The following ST3GAL5 variants were observed in gnomAD, a reference collection of about 807,000 sequenced individuals.
ST3GAL5 encodes the protein ST3 beta-galactoside alpha-2,3-sialyltransferase 5.
A neutral mutation model predicts 46.1 loss-of-function variants in ST3GAL5; 25 were observed. The ratio of observed to expected loss-of-function variants is 0.54; its 90% CI spans 0.40 to 0.76. ST3GAL5 has a LOEUF of 0.76. Ranked by LOEUF, ST3GAL5 falls within the 30% of genes least tolerant of loss-of-function variation. The pLI is 0.00. For synonymous variants in ST3GAL5, 182 were observed against 192.7 expected, an observed-to-expected ratio of 0.94 and a Z score of 0.46; for missense variants, 431 against 521.2, an observed-to-expected ratio of 0.83 and a Z score of 1.69.
At chr2:85,841,827 C>T (rs1430364060) in intron 6 of ST3GAL5, among the ~76,000 whole-genome samples, 1 of 152,198 alleles carries the variant, frequency 6.6e-6, no homozygotes, top group Non-Finnish European at 1.5e-5. Context: ...CTTTCTGGAT[C>T]TCCATGCCAG....
chr2:85,857,536 C>CA (rs369873432), intron 3 of ST3GAL5, among the ~76,000 whole-genome samples: 6,803 of 72,838 alleles, frequency 0.093, 271 homozygotes, highest in East Asian at 0.14. Flanking sequence ...GACTCCGTCT[C>CA]AAAAAAAAAA....
chr2:85,888,077 G>C (rs1470152854), intron 1 of ST3GAL5: 1 of 152,080 alleles, frequency 6.6e-6, no homozygotes, highest in Non-Finnish European at 1.5e-5. Flanking sequence ...GGGCCTGGAA[G>C]GGACCTCGGC....
chr2:85,871,150 C>T (rs1685882112), intron 1 of ST3GAL5, among the ~76,000 whole-genome samples: 2 of 151,840 alleles, frequency 1.3e-5, no homozygotes, highest in South Asian at 2.1e-4. Context: ...AATTTTCCCA[C>T]CTTAGCCCTC....
intron 1 of ST3GAL5, among the ~76,000 whole-genome samples, chr2:85,871,628 CTT>C (rs764502909): frequency 6.6e-6 from 1 of 152,116 alleles, no homozygotes; most frequent in Non-Finnish European, 1.5e-5. Context: ...CCTAAAAAAA[CTT>C]ATATCACTGG....
At chr2:85,853,108 G>A (rs1160013224) in intron 3 of ST3GAL5, 1 of 1,301,102 alleles carries the variant, frequency 7.7e-7, no homozygotes, top group East Asian at 5.6e-5. Flanking sequence ...CTCTCAGAAA[G>A]GAGAGAGGGC....
At chr2:85,881,774 CCTGA>C (rs113992103) in intron 1 of ST3GAL5, among the ~76,000 whole-genome samples, 83,826 of 151,660 alleles carry the variant, frequency 0.55, 23,608 homozygotes, top group East Asian at 0.68. Context: ...AAATTTGCAG[CCTGA>C]CTATGTGACA....
At chr2:85,885,822 CAAA>C (rs1263574205) in intron 1 of ST3GAL5, among the ~76,000 whole-genome samples, 1 of 78,242 alleles carries the variant, frequency 1.3e-5, no homozygotes. Flanking sequence ...GACTCTGTCT[CAAA>C]AAAAAAAAAA....
chr2:85,857,928 C>T (rs1573633099), intron 3 of ST3GAL5, among the ~76,000 whole-genome samples: 1 of 152,146 alleles, frequency 6.6e-6, no homozygotes, highest in South Asian at 2.1e-4. Flanking sequence ...TAGAATGCCA[C>T]GTACTATGTA....
In ST3GAL5 at chr2:85,848,016, A is replaced by C; in HGVS notation, c.507T>G (p.Ser169Arg). The change falls in exon 4 of 7, where the codon AGT (serine) becomes AGG (arginine). Residue 169 changes from serine (S) to arginine (R), a missense_variant. By Grantham distance (110) the Ser-to-Arg change is moderately radical. Transcript: ENST00000638572. ...DPPFGFRKFS[S>R]KVQTLLELLP... Reference sequence around the variant, plus strand: ...AGAGTTCCAAGAGGGTCTGGACTTTACTGGAGAACTTCCGGAACCCAAAAG... The same window carrying C: ...AGAGTTCCAAGAGGGTCTGGACTTTCCTGGAGAACTTCCGGAACCCAAAAG... 1 of 1,614,132 alleles carries C rather than the reference A, an allele frequency of 6.2e-7. No individual in the cohort carries two copies. Among genetic ancestry groups the C allele is most frequent in the Non-Finnish European group, 8.5e-7 (1 of 1,180,024 alleles).
At chr2:85,864,239 T>A (rs1303032332) in intron 1 of ST3GAL5, among the ~76,000 whole-genome samples, 2 of 152,172 alleles carry the variant, frequency 1.3e-5, no homozygotes, top group Non-Finnish European at 2.9e-5. Context: ...GAGTAAAGCA[T>A]ACACAAAATC....
chr2:85,841,788 T>C (rs1447063698), intron 6 of ST3GAL5, among the ~76,000 whole-genome samples: 1 of 152,204 alleles, frequency 6.6e-6, no homozygotes, highest in Non-Finnish European at 1.5e-5. Flanking sequence ...CTTGTCTTGC[T>C]TCCTGGAATG....
intron 1 of ST3GAL5, among the ~76,000 whole-genome samples, chr2:85,872,112 A>G (rs1266670964): frequency 6.6e-6 from 1 of 152,104 alleles, no homozygotes; most frequent in African/African-American, 2.4e-5. Flanking sequence ...CCCGAGGCCT[A>G]CCCTGGTGAG....
rs563575870 is a variant in ST3GAL5, at chr2:85,856,233, A to C, written c.318+4948T>G. On this transcript the variant is annotated intron_variant, in intron 3 of 6. Transcript: ENST00000638572. ...TGGATAAACAAAATGAGGTATATCCATACAATGAGGTATTATCCAGAAATA... is the reference window on the plus strand; with the variant it reads ...TGGATAAACAAAATGAGGTATATCCCTACAATGAGGTATTATCCAGAAATA... 3 of 152,368 alleles carry C rather than the reference A, an allele frequency of 2.0e-5. No individual in the cohort carries two copies. In the South Asian group the frequency reaches 6.2e-4, roughly 32 times the overall value. 9.4% of individuals were successfully genotyped at this position (152,368 alleles called of 1,614,324 possible).
intron 6 of ST3GAL5, among the ~76,000 whole-genome samples, chr2:85,841,684 A>G (rs1682122874): frequency 6.6e-6 from 1 of 152,150 alleles, no homozygotes; most frequent in African/African-American, 2.4e-5. Context: ...TTGTTCCTTT[A>G]AAAATGTATC....
chr2:85,856,871 G>A (rs1684170898), intron 3 of ST3GAL5, among the ~76,000 whole-genome samples: 1 of 151,038 alleles, frequency 6.6e-6, no homozygotes, highest in Admixed American at 6.6e-5. Flanking sequence ...ATGCCTGGCT[G>A]TACTGTATGC....
chr2:85,854,660 T>C (rs1683899477), intron 3 of ST3GAL5: 1 of 152,216 alleles, frequency 6.6e-6, no homozygotes, highest in Non-Finnish European at 1.5e-5. Flanking sequence ...TCACAGGTAA[T>C]GGAAGATTAC....
chr2:85,875,014 A>G (rs1327651106), intron 1 of ST3GAL5, among the ~76,000 whole-genome samples: 1 of 152,094 alleles, frequency 6.6e-6, no homozygotes. Context: ...GGAACAATAT[A>G]AAATGACTGT....
chr2:85,853,165 C>A lies in ST3GAL5; in HGVS notation c.319-4961G>T, dbSNP rs998571239. Reference sequence around the variant, plus strand: ...ACACAGCCCAAACCGAAACTGACATCAACGTGCCCTCGTCTCTCTTAAAAC... The same window carrying A: ...ACACAGCCCAAACCGAAACTGACATAAACGTGCCCTCGTCTCTCTTAAAAC... On this transcript the variant is annotated intron_variant, in intron 3 of 6. Coordinates refer to ENST00000638572, the MANE Select transcript of ST3GAL5 (RefSeq NM_003896.4). The A allele has an allele frequency of 1.2e-5, 12 of 1,025,932 alleles. No individual in the cohort carries two copies. In the Admixed American group the frequency reaches 1.2e-4, roughly 11 times the overall value. The allele number at this position is 1,025,932 out of a possible 1,614,324, so 63.6% of individuals were successfully genotyped here.
intron 3 of ST3GAL5, among the ~76,000 whole-genome samples, chr2:85,860,651 T>C (rs543790282): frequency 7.2e-5 from 11 of 152,048 alleles, no homozygotes; most frequent in Non-Finnish European, 8.8e-5. Context: ...GGCGGGAGGA[T>C]AGCTTGAGCC....
Sources: gnomAD v4.1 joint callset for allele counts (sites outside exome capture counted in the v4.1 genomes callset) on GRCh38, gnomAD v4.1.1 for gene constraint, MANE v1.5 for transcripts, NCBI Gene and HGNC (gene_info 2026-07-23, HGNC 2026-07-21) for gene names.